The following PTPRD variants were observed in gnomAD, a reference collection of about 807,000 sequenced individuals.
PTPRD encodes the protein protein tyrosine phosphatase receptor type D, also known as receptor-type tyrosine-protein phosphatase delta.
A neutral mutation model predicts 214.5 loss-of-function variants in PTPRD; 34 were observed. The observed-to-expected ratio is 0.16, with a 90% CI of 0.12 to 0.21. The LOEUF (loss-of-function observed/expected upper bound fraction) is 0.21. Ranked by LOEUF, PTPRD falls within the 10% of genes least tolerant of loss-of-function variation. The pLI, the probability that PTPRD is intolerant of heterozygous loss-of-function variation, is 1.00. For missense variants in PTPRD, 2,545 were observed against 2,398.7 expected, an observed-to-expected ratio of 1.06 and a Z score of -1.27; for synonymous variants, 1,128 against 845.7, an observed-to-expected ratio of 1.33 and a Z score of -5.79.
intron 8 of PTPRD, among the ~76,000 whole-genome samples, chr9:9,413,673 T>G (rs1163060829): frequency 6.6e-6 from 1 of 152,224 alleles, no homozygotes. Flanking sequence ...ATCTTGGTTC[T>G]GTCCTTTTTA....
At chr9:10,329,380 G>T (rs1402981897) in intron 3 of PTPRD, among the ~76,000 whole-genome samples, 1 of 151,694 alleles carries the variant, frequency 6.6e-6, no homozygotes, top group Admixed American at 6.6e-5. Flanking sequence ...TGTTCTAAGG[G>T]ATTTAAGAGT....
chr9:9,301,583 G>C (rs1165410022), intron 9 of PTPRD, among the ~76,000 whole-genome samples: 1 of 151,722 alleles, frequency 6.6e-6, no homozygotes, highest in East Asian at 1.9e-4. Flanking sequence ...TTTGAATCTC[G>C]AGTTCATCAT....
intron 2 of PTPRD, among the ~76,000 whole-genome samples, chr9:10,538,500 C>T (rs909294361): frequency 2.6e-5 from 4 of 151,968 alleles, no homozygotes; most frequent in African/African-American, 9.7e-5. Flanking sequence ...CACAATTTTA[C>T]CACACTTGAA....
At chr9:8,424,394 G>A (rs114629384) in intron 35 of PTPRD, among the ~76,000 whole-genome samples, 1 of 152,238 alleles carries the variant, frequency 6.6e-6, no homozygotes, top group African/African-American at 2.4e-5. Flanking sequence ...CCTTGAGTAA[G>A]TTACTTAACT....
intron 11 of PTPRD, among the ~76,000 whole-genome samples, chr9:8,837,216 T>C (rs1006727490): frequency 1.4e-4 from 21 of 151,962 alleles, no homozygotes; most frequent in African/African-American, 4.6e-4. Flanking sequence ...AGTTTCATTA[T>C]GTTGCCTAGG....
At chr9:8,511,941 G>A (rs2097691178) in intron 21 of PTPRD, among the ~76,000 whole-genome samples, 1 of 151,992 alleles carries the variant, frequency 6.6e-6, no homozygotes, top group Admixed American at 6.6e-5. Flanking sequence ...ACTAACAAGA[G>A]AAACCTTCAC....
intron 9 of PTPRD, among the ~76,000 whole-genome samples, chr9:9,328,037 T>C (rs1254400545): frequency 6.6e-6 from 1 of 152,170 alleles, no homozygotes; most frequent in African/African-American, 2.4e-5. Context: ...TTGATGTACA[T>C]AGTTTTTGTG....
At chr9:8,459,629 G>C (rs927449939) in intron 33 of PTPRD, among the ~76,000 whole-genome samples, 2 of 152,024 alleles carry the variant, frequency 1.3e-5, no homozygotes, top group Non-Finnish European at 2.9e-5. Flanking sequence ...TCTTATTAGA[G>C]ATTAGATGTT....
At chr9:10,433,627 G>A (rs990619228) in intron 2 of PTPRD, among the ~76,000 whole-genome samples, 12 of 151,910 alleles carry the variant, frequency 7.9e-5, no homozygotes, top group African/African-American at 2.7e-4. Context: ...AATTTGGAGG[G>A]TGTGTTTGGA....
In PTPRD at chr9:8,750,029, G is replaced by C. The variant is rs2093355927; in HGVS notation, c.-103-16083C>G. ...GAGGCAGGAGAATCGCTTGAACCCA[G>C]AGGCGGAGGTTGCAGTGAGCCAAGC... On this transcript the variant is annotated intron_variant, in intron 11 of 45. Coordinates refer to ENST00000381196, the MANE Select transcript of PTPRD (RefSeq NM_002839.4). 3.3e-5 allele frequency among the ~76,000 whole-genome samples: 5 copies of C among 151,706 alleles called. No individual in the cohort carries two copies. In the South Asian group the frequency reaches 1.0e-3, roughly 32 times the overall value.
chr9:10,244,696 T>C (rs995550081), intron 3 of PTPRD, among the ~76,000 whole-genome samples: 1 of 152,062 alleles, frequency 6.6e-6, no homozygotes, highest in East Asian at 1.9e-4. Flanking sequence ...ATGGCCCATA[T>C]GGAAAAAAAT....
chr9:10,216,038 AG>A lies in PTPRD; in HGVS notation c.-545+124924del, dbSNP rs536309100. On this transcript the variant is annotated intron_variant, in intron 3 of 45. Coordinates refer to ENST00000381196, the MANE Select transcript of PTPRD (RefSeq NM_002839.4). Reference sequence around the variant, plus strand: ...TGAGAGCATAATTAATACCAATTTTAGGAAAAATTTTAAAATATGGAATTAG... The same window carrying A: ...TGAGAGCATAATTAATACCAATTTTAGAAAAATTTTAAAATATGGAATTAG... Among the ~76,000 whole-genome samples, 15 of 152,166 alleles carry A rather than the reference AG, an allele frequency of 9.9e-5. No homozygotes were observed. In the South Asian group the frequency reaches 2.9e-3, roughly 29 times the overall value.
chr9:9,708,575 C>T, intron 7 of PTPRD, among the ~76,000 whole-genome samples: 1 of 151,956 alleles, frequency 6.6e-6, no homozygotes. Context: ...ACATAACTCT[C>T]AGAGGACAAC....
intron 2 of PTPRD, among the ~76,000 whole-genome samples, chr9:10,591,472 A>G (rs1403584789): frequency 1.3e-5 from 2 of 152,064 alleles, no homozygotes; most frequent in African/African-American, 4.8e-5. Context: ...AGATTTCATA[A>G]AGAATTCAAG....
intron 11 of PTPRD, among the ~76,000 whole-genome samples, chr9:8,834,462 A>G (rs1038333070): frequency 2.0e-5 from 3 of 152,196 alleles, no homozygotes; most frequent in Admixed American, 6.5e-5. Flanking sequence ...AATGTTATTA[A>G]CAACTACTTG....
At chr9:9,770,096 T>C (rs901939146) in intron 5 of PTPRD, among the ~76,000 whole-genome samples, 12 of 152,206 alleles carry the variant, frequency 7.9e-5, no homozygotes, top group Non-Finnish European at 1.3e-4. Flanking sequence ...TATAGTAGAA[T>C]AATTTATAAT....
chr9:9,085,671 G>C (rs1308583501), intron 10 of PTPRD, among the ~76,000 whole-genome samples: 1 of 151,390 alleles, frequency 6.6e-6, no homozygotes, highest in Non-Finnish European at 1.5e-5. Flanking sequence ...TTGACATTTG[G>C]CCTTCAGATT....
At chr9:9,061,175 G>A (rs889024697) in intron 10 of PTPRD, among the ~76,000 whole-genome samples, 8 of 152,110 alleles carry the variant, frequency 5.3e-5, no homozygotes, top group African/African-American at 1.7e-4. Flanking sequence ...GGTTACCTGG[G>A]CTATTCATTT....
chr9:9,376,070 C>G (rs2060709760), intron 9 of PTPRD, among the ~76,000 whole-genome samples: 1 of 88,926 alleles, frequency 1.1e-5, no homozygotes, highest in African/African-American at 7.8e-5. Context: ...TGAGAACTTG[C>G]TCATCATTAT....
Sources: gnomAD v4.1 joint callset for allele counts (sites outside exome capture counted in the v4.1 genomes callset) on GRCh38, gnomAD v4.1.1 for gene constraint, MANE v1.5 for transcripts, NCBI Gene and HGNC (gene_info 2026-07-23, HGNC 2026-07-21) for gene names.